Variants in SYMPK observed in about 807,000 individuals in gnomAD.
SYMPK encodes symplekin scaffold protein.
In SYMPK, 49 loss-of-function variants were observed where a neutral mutation model predicts 136.4. That is an observed-to-expected ratio of 0.36 (90% CI 0.29 to 0.46). SYMPK has a LOEUF of 0.46. SYMPK is among the 20% of genes least tolerant of loss of function. The pLI is 1.00. For missense variants in SYMPK, 1,365 were observed against 1,690.0 expected (o/e 0.81, Z 3.37); for synonymous variants, 766 against 713.0 (o/e 1.07, Z -1.19).
Position 45,830,079 on chromosome 19 carries a change from G to A in SYMPK, c.1724C>T (p.Ala575Val). The A allele has an allele frequency of 6.4e-7, 1 of 1,557,828 alleles. No homozygotes were observed. Among genetic ancestry groups the A allele is most frequent in the Non-Finnish European group, 8.7e-7 (1 of 1,149,680 alleles). ...AVKRILRAEK[A>V]VACSGAAQVR... ...CTGGGCTGCCCCGCTGCAGGCCACAGCCTTCTCAGCCCGCAGGATCCGCTT... is the reference window on the plus strand; with the variant it reads ...CTGGGCTGCCCCGCTGCAGGCCACAACCTTCTCAGCCCGCAGGATCCGCTT... The change falls in exon 13 of 27, where the codon GCT (alanine) becomes GTT (valine). Residue 575 changes from alanine (A) to valine (V), a missense_variant. This residue lies in a region of SYMPK where 303 missense variants were observed against 326.6 expected (regional missense o/e 0.93). Transcript: ENST00000245934.
chr19:45,828,791 C>CA (rs771439836), intron 14 of SYMPK, 179 bp downstream of exon 14: 16 of 627,978 alleles, frequency 2.5e-5, no homozygotes, highest in Non-Finnish European at 3.9e-5. Context: ...AGCCCACATG[C>CA]AAAACTACAA....
At chr19:45,843,699 C>CA (rs746289242) in intron 8 of SYMPK, among the ~76,000 whole-genome samples, 4 of 152,166 alleles carry the variant, frequency 2.6e-5, no homozygotes, top group Admixed American at 6.6e-5. Flanking sequence ...GTAATCCCAG[C>CA]ACTTTAGGAG....
chr19:45,857,660 T>G (rs1208770053), intron 1 of SYMPK, among the ~76,000 whole-genome samples: 1 of 150,908 alleles, frequency 6.6e-6, no homozygotes, highest in Non-Finnish European at 1.5e-5. Context: ...CCCGGCTAAT[T>G]TTTTGTATTT....
intron 26 of SYMPK, 65 bp downstream of exon 26, chr19:45,815,786 C>CT (rs1214600576): frequency 8.2e-5 from 130 of 1,588,918 alleles, no homozygotes; most frequent in Non-Finnish European, 1.1e-4. Context: ...ATGGCCCCTC[C>CT]TCCCCCACCT....
intron 1 of SYMPK, among the ~76,000 whole-genome samples, chr19:45,857,655 C>T (rs1180984749): frequency 6.6e-6 from 1 of 151,266 alleles, no homozygotes. Context: ...CCACGCCCGG[C>T]TAATTTTTTG....
At chr19:45,824,165 C>T in intron 18 of SYMPK, 1 of 353,004 alleles carries the variant, frequency 2.8e-6, no homozygotes, top group Non-Finnish European at 5.3e-6. Flanking sequence ...GAATGCCCAC[C>T]CTGTGCTTCG....
Position 45,815,643 on chromosome 19 carries a change from C to G in SYMPK, c.3742G>C (p.Ala1248Pro). 1 of 1,610,220 alleles carries G rather than the reference C, an allele frequency of 6.2e-7. No individual in the cohort carries two copies. ...LKEERSPQTL[A>P]PVGEDAMKTP... ...TTCATAGCATCTTCTCCAACAGGTG[C>G]GAGGGTCTGGGGGCTCCGCTCCTCC... is the stretch of plus-strand genomic sequence containing the variant. The change falls in exon 27 of 27, where the codon GCA becomes CCA. Residue 1248 changes from alanine (A) to proline (P), a missense_variant. Ala to Pro is a conservative substitution (Grantham distance 27). Transcript: ENST00000245934.
chr19:45,849,037 C>T (rs959814797), intron 5 of SYMPK, among the ~76,000 whole-genome samples, 161 bp from the exon 6 acceptor site: 6 of 152,052 alleles, frequency 3.9e-5, no homozygotes, highest in Admixed American at 6.6e-5. Context: ...CAGACTGAGC[C>T]GCCCCTGAAC....
chr19:45,816,636 C>T (rs771450072), intron 24 of SYMPK, 59 bp from the exon 25 acceptor site: 18 of 1,607,240 alleles, frequency 1.1e-5, no homozygotes, highest in Non-Finnish European at 1.5e-5. Context: ...ACCCCATTTG[C>T]ACACCTCAGG....
chr19:45,854,784 G>T, intron 1 of SYMPK: 1 of 453,142 alleles, frequency 2.2e-6, no homozygotes, highest in Non-Finnish European at 4.1e-6. Context: ...CTGAACGATG[G>T]GCCACATGAA....
At chr19:45,861,658 A>C (rs967074706) in intron 1 of SYMPK, among the ~76,000 whole-genome samples, 13 of 151,460 alleles carry the variant, frequency 8.6e-5, no homozygotes, top group African/African-American at 3.2e-4. Context: ...AATTGCTTGA[A>C]CCTGGAAGGC....
chr19:45,849,443 G>T (rs942922386), intron 5 of SYMPK, among the ~76,000 whole-genome samples: 7 of 152,100 alleles, frequency 4.6e-5, no homozygotes, highest in Non-Finnish European at 8.8e-5. Context: ...AAAATGAAGG[G>T]CCTCCAACAA....
chr19:45,854,296 C>T, intron 2 of SYMPK, 56 bp from the exon 3 acceptor site: 8 of 1,604,182 alleles, frequency 5.0e-6, no homozygotes, highest in Non-Finnish European at 6.8e-6. Context: ...CCCAGTGCAG[C>T]CCCCTCGGCA....
chr19:45,863,047 C>T lies in SYMPK; in HGVS notation c.-13+11G>A. On this transcript the variant is annotated intron_variant, in intron 1 of 26. Coordinates refer to ENST00000245934, the MANE Select transcript of SYMPK (RefSeq NM_004819.3). Reference sequence around the variant, plus strand: ...TTTCGTCTCCGGGCCCAAACGCCGCCTCCCGCTCACCGCAGCTCTGGCCTC... The same window carrying T: ...TTTCGTCTCCGGGCCCAAACGCCGCTTCCCGCTCACCGCAGCTCTGGCCTC... The T allele has an allele frequency of 5.0e-6, 2 of 401,534 alleles. No individual in the cohort carries two copies. Among genetic ancestry groups the T allele is most frequent in the Non-Finnish European group, 8.8e-6 (2 of 226,680 alleles). 24.9% of individuals were successfully genotyped at this position (401,534 alleles called of 1,614,324 possible).
chr19:45,825,095 G>C, intron 18 of SYMPK, 76 bp downstream of exon 18: 4 of 1,548,558 alleles, frequency 2.6e-6, no homozygotes, highest in Non-Finnish European at 3.5e-6. Flanking sequence ...AGGTGGAGCA[G>C]GTTGGGGAAG....
At chr19:45,843,044 T>G in intron 8 of SYMPK, 1 of 153,834 alleles carries the variant, frequency 6.5e-6, no homozygotes, top group Non-Finnish European at 1.4e-5. Flanking sequence ...GCATGAGACC[T>G]GGGGCCAGTG....
chr19:45,842,301 G>C lies in SYMPK; in HGVS notation c.1036C>G (p.Arg346Gly). The C allele has an allele frequency of 6.2e-7, 1 of 1,614,194 alleles. No homozygotes were observed. The highest frequency in any genetic ancestry group is 1.1e-5 in the South Asian group (1 of 91,082). The change falls in exon 9 of 27, where the codon CGC becomes GGC. Residue 346 changes from arginine (R) to glycine (G), a missense_variant. Transcript: ENST00000245934. ...TCCGAGTCATCGCGGGGCCGCTTGC[G>C]GGTGTCCTTGCTGCTCGGCATGTTG... ...ARNMPSSKDT[R>G]KRPRDDSDST...
At chr19:45,816,757 C>A in intron 24 of SYMPK, 41 bp downstream of exon 24, 2 of 1,494,384 alleles carry the variant, frequency 1.3e-6, no homozygotes, top group Non-Finnish European at 1.8e-6. Context: ...ACCGCACACC[C>A]TGGGTGGGGG....
At chr19:45,846,107 G>A (rs547910913) in intron 7 of SYMPK, among the ~76,000 whole-genome samples, 1 of 152,186 alleles carries the variant, frequency 6.6e-6, no homozygotes, top group Non-Finnish European at 1.5e-5. Flanking sequence ...GTGGTGGCGG[G>A]CACCTGTGGT....
Sources: gnomAD v4.1 joint callset for allele counts (sites outside exome capture counted in the v4.1 genomes callset) on GRCh38, gnomAD v4.1.1 for gene constraint, gnomAD v4.1.1 regional missense constraint, MANE v1.5 for transcripts, NCBI Gene and HGNC (gene_info 2026-07-23, HGNC 2026-07-21) for gene names.